CBLB: variants seen among roughly 807,000 people sequenced by gnomAD.
CBLB encodes the protein Cbl proto-oncogene B, also known as E3 ubiquitin-protein ligase CBL-B.
Under a neutral mutation model 104.9 loss-of-function variants are expected in CBLB, and 31 were observed. The observed-to-expected ratio is 0.30, with a 90% CI of 0.22 to 0.40. The LOEUF (loss-of-function observed/expected upper bound fraction) is 0.40. Ranked by LOEUF, CBLB falls within the 10% of genes least tolerant of loss-of-function variation. The pLI, the probability that CBLB is intolerant of heterozygous loss-of-function variation, is 1.00. For missense variants in CBLB, 1,062 were observed against 1,214.6 expected (o/e 0.87, Z 1.87); for synonymous variants, 440 against 422.6 (o/e 1.04, Z -0.51).
intron 4 of CBLB, 52 bp downstream of exon 4, chr3:105,776,344 A>G: frequency 6.6e-7 from 1 of 1,509,132 alleles, no homozygotes; most frequent in South Asian, 1.1e-5. Flanking sequence ...GAGGGAGGAT[A>G]CAGTAACCCT....
At chr3:105,858,131 C>T (rs553416337) in intron 2 of CBLB, among the ~76,000 whole-genome samples, 1 of 152,204 alleles carries the variant, frequency 6.6e-6, no homozygotes, top group South Asian at 2.1e-4. Context: ...TTCATCAAGG[C>T]CCTGTAGGCT....
chr3:105,740,398 A>C, intron 7 of CBLB, 96 bp downstream of exon 7: 1 of 1,266,550 alleles, frequency 7.9e-7, no homozygotes, highest in South Asian at 1.2e-5. Context: ...TTAACATAAA[A>C]AGCAGCCTTG....
intron 10 of CBLB, among the ~76,000 whole-genome samples, chr3:105,709,736 G>A (rs905462860): frequency 1.8e-4 from 28 of 151,924 alleles, no homozygotes; most frequent in African/African-American, 6.5e-4. Context: ...TAGTTTTTAA[G>A]GAAAGAATCA....
At chr3:105,762,702 A>C (rs1236561964) in intron 4 of CBLB, among the ~76,000 whole-genome samples, 1 of 152,244 alleles carries the variant, frequency 6.6e-6, no homozygotes, top group Non-Finnish European at 1.5e-5. Flanking sequence ...GTGGAGGTAG[A>C]CATCTGCTGC....
chr3:105,823,766 T>A (rs899827535), intron 3 of CBLB, among the ~76,000 whole-genome samples: 2 of 152,146 alleles, frequency 1.3e-5, no homozygotes, highest in African/African-American at 4.8e-5. Flanking sequence ...AACTAATCTC[T>A]TGTGTTGAGC....
Position 105,841,999 on chromosome 3 carries a change from A to G in CBLB, c.419+11415T>C, listed in dbSNP as rs181996408. ...TATCAAACAGCCTTAGATAATAGGG[A>G]CAGTGTTTTCCTCTGGAGAAAAAAA... On this transcript the variant is annotated intron_variant, in intron 3 of 18. Transcript: ENST00000394030. Among the ~76,000 whole-genome samples the G allele has an allele frequency of 1.5e-3, 225 of 152,028 alleles. 1 individual carries two copies. The highest frequency in any genetic ancestry group is 5.2e-3 in the African/African-American group (215 of 41,436).
chr3:105,691,583 A>T (rs2067698920), intron 13 of CBLB, among the ~76,000 whole-genome samples: 1 of 152,188 alleles, frequency 6.6e-6, no homozygotes, highest in South Asian at 2.1e-4. Flanking sequence ...TTCATTTTCT[A>T]ATGTTCTCTG....
chr3:105,840,901 G>A (rs1024371670), intron 3 of CBLB, among the ~76,000 whole-genome samples: 33 of 151,098 alleles, frequency 2.2e-4, no homozygotes, highest in African/African-American at 7.8e-4. Context: ...AAATATAATC[G>A]TCTTCTCTTT....
chr3:105,665,466 C>T (rs112117125), intron 18 of CBLB, among the ~76,000 whole-genome samples: 9 of 136,866 alleles, frequency 6.6e-5, no homozygotes, highest in African/African-American at 2.0e-4. Context: ...CATATATATA[C>T]ACACACACAC....
At chr3:105,757,731 A>G (rs1300412801) in intron 4 of CBLB, among the ~76,000 whole-genome samples, 1 of 152,244 alleles carries the variant, frequency 6.6e-6, no homozygotes, top group Non-Finnish European at 1.5e-5. Flanking sequence ...AAGGAAATCA[A>G]CATGTTTGTT....
At chr3:105,664,277 G>T (rs929013738) in intron 18 of CBLB, among the ~76,000 whole-genome samples, 2 of 152,020 alleles carry the variant, frequency 1.3e-5, no homozygotes, top group Non-Finnish European at 2.9e-5. Flanking sequence ...TAAAGTTAGG[G>T]TTTCTGTTAG....
chr3:105,703,814 T>C (rs571590676), intron 11 of CBLB, among the ~76,000 whole-genome samples, 174 bp downstream of exon 11: 1 of 152,302 alleles, frequency 6.6e-6, no homozygotes, highest in African/African-American at 2.4e-5. Flanking sequence ...GTAACTCTCA[T>C]AGTAATAAAA....
chr3:105,739,460 C>T (rs6809776), intron 7 of CBLB, among the ~76,000 whole-genome samples: 9,727 of 152,010 alleles, frequency 0.064, 467 homozygotes, highest in Admixed American at 0.15. Context: ...TGATCAAGTG[C>T]ACTGAGAATA....
chr3:105,750,315 A>G (rs1459546936), intron 5 of CBLB, among the ~76,000 whole-genome samples: 2 of 152,192 alleles, frequency 1.3e-5, no homozygotes, highest in Non-Finnish European at 2.9e-5. Context: ...TTTTTATTAC[A>G]AAAACCAGTC....
chr3:105,691,692 G>C (rs368321139), intron 13 of CBLB, among the ~76,000 whole-genome samples: 1 of 152,138 alleles, frequency 6.6e-6, no homozygotes, highest in East Asian at 1.9e-4. Flanking sequence ...CACTGATTTA[G>C]AGCCTACTAC....
Position 105,681,612 on chromosome 3 carries a change from T to C in CBLB, c.2297-2A>G, listed in dbSNP as rs959524273. On this transcript the variant is annotated splice_acceptor_variant, in intron 15 of 18. Transcript: ENST00000394030. LOFTEE classifies it high-confidence loss of function. ...CAGAGGCTGAATCAAAAACATCTCCTAGAGGATAACACAAAACCTTAATGT... is the reference window on the plus strand; with the variant it reads ...CAGAGGCTGAATCAAAAACATCTCCCAGAGGATAACACAAAACCTTAATGT... The C allele has an allele frequency of 7.4e-6, 12 of 1,614,100 alleles. No homozygotes were observed. The highest frequency in any genetic ancestry group is 1.0e-5 in the Non-Finnish European group (12 of 1,179,952).
chr3:105,848,558 A>C (rs1257442802), intron 3 of CBLB, among the ~76,000 whole-genome samples: 2 of 152,036 alleles, frequency 1.3e-5, no homozygotes, highest in African/African-American at 4.8e-5. Context: ...TTGACACCTA[A>C]ATTTTTTCTC....
At chr3:105,826,601 T>C (rs7639888) in intron 3 of CBLB, among the ~76,000 whole-genome samples, 17,402 of 152,166 alleles carry the variant, frequency 0.11, 1,116 homozygotes, top group African/African-American at 0.16. Context: ...CACCCTTTCA[T>C]CCTCTTGTAC....
chr3:105,780,660 G>GTTTGTT (rs2080107206), intron 3 of CBLB, among the ~76,000 whole-genome samples: 1 of 94,018 alleles, frequency 1.1e-5, no homozygotes, highest in African/African-American at 4.3e-5. Flanking sequence ...TTTGTTTTTT[G>GTTTGTT]TTTTTTTTTT....
Sources: gnomAD v4.1 joint callset for allele counts (sites outside exome capture counted in the v4.1 genomes callset) on GRCh38, gnomAD v4.1.1 for gene constraint, MANE v1.5 for transcripts, NCBI Gene and HGNC (gene_info 2026-07-23, HGNC 2026-07-21) for gene names.